TRPM1: variants seen among roughly 807,000 people sequenced by gnomAD.
TRPM1 encodes TRPM1-203 APA Isoform, Intron 10.
In TRPM1, 113 loss-of-function variants were observed where a neutral mutation model predicts 149.4. The ratio of observed to expected loss-of-function variants is 0.76; its 90% confidence interval spans 0.65 to 0.88. The LOEUF is 0.88. Ranked by LOEUF, TRPM1 falls within the 40% of genes least tolerant of loss-of-function variation. The pLI is 0.00. For synonymous variants in TRPM1, 741 were observed against 759.5 expected (o/e 0.98, Z 0.40); for missense variants, 1,976 against 2,038.7 (o/e 0.97, Z 0.59).
At chr15:31,014,271 A>G (rs2032283567) in intron 27 of TRPM1, among the ~76,000 whole-genome samples, 1 of 151,982 alleles carries the variant, frequency 6.6e-6, no homozygotes, top group South Asian at 2.1e-4. Context: ...CCCTTCCTCC[A>G]CCCCTTCTAA....
chr15:31,094,651 A>C (rs900831655), intron 1 of TRPM1, among the ~76,000 whole-genome samples: 2 of 152,238 alleles, frequency 1.3e-5, no homozygotes, highest in African/African-American at 4.8e-5. Flanking sequence ...AAGCAAATCA[A>C]AACCATGATG....
chr15:31,037,097 G>A (rs1243941378), intron 20 of TRPM1, among the ~76,000 whole-genome samples: 3 of 152,344 alleles, frequency 2.0e-5, no homozygotes, highest in South Asian at 2.1e-4. Context: ...CTGCAGCTCG[G>A]CCATTTCCCC....
chr15:31,038,737 T>C (rs2033509967), intron 18 of TRPM1, among the ~76,000 whole-genome samples: 1 of 151,866 alleles, frequency 6.6e-6, no homozygotes, highest in Non-Finnish European at 1.5e-5. Context: ...TAAAATAAAA[T>C]AAAAGTCCTT....
chr15:31,076,338 A>G (rs1330723114), intron 3 of TRPM1, among the ~76,000 whole-genome samples: 1 of 152,190 alleles, frequency 6.6e-6, no homozygotes, highest in Non-Finnish European at 1.5e-5. Context: ...CCCTTCCCCC[A>G]GACTCAGCCT....
chr15:31,053,167 G>A (rs937016097), intron 11 of TRPM1, among the ~76,000 whole-genome samples: 3 of 152,088 alleles, frequency 2.0e-5, no homozygotes, highest in East Asian at 1.9e-4. Flanking sequence ...ACACAAAAAC[G>A]CTCAATATCA....
At chr15:31,003,610 G>A (rs1220606062) in intron 27 of TRPM1, among the ~76,000 whole-genome samples, 1 of 152,206 alleles carries the variant, frequency 6.6e-6, no homozygotes, top group African/African-American at 2.4e-5. Context: ...GACTATGGCT[G>A]TCAGCAGTGA....
At chr15:31,106,793 C>T (rs1010162829) in intron 1 of TRPM1, among the ~76,000 whole-genome samples, 1 of 152,060 alleles carries the variant, frequency 6.6e-6, no homozygotes, top group African/African-American at 2.4e-5. Context: ...GGCTAGATTC[C>T]GAGAAGTGAG....
intron 1 of TRPM1, among the ~76,000 whole-genome samples, chr15:31,110,662 G>A (rs1446528562): frequency 1.3e-5 from 2 of 152,100 alleles, no homozygotes; most frequent in African/African-American, 4.8e-5. Flanking sequence ...TGCACCCTAC[G>A]GCTCAGGATT....
Position 31,048,633 on chromosome 15 carries a change from G to A in TRPM1, c.1573-694C>T, listed in dbSNP as rs560785909. Reference sequence around the variant, plus strand: ...TTGAGACCAACCTGGGCAACATGTCGAAACCCTGTCTCTACAAAATTTTTA... The same window carrying A: ...TTGAGACCAACCTGGGCAACATGTCAAAACCCTGTCTCTACAAAATTTTTA... On this transcript the variant is annotated intron_variant, in intron 13 of 27. Coordinates refer to ENST00000256552, the MANE Select transcript of TRPM1 (RefSeq NM_001252024.2). Among the ~76,000 whole-genome samples, 20 of 152,112 alleles carry A rather than the reference G, an allele frequency of 1.3e-4. No individual in the cohort carries two copies. In the South Asian group the frequency reaches 3.3e-3, roughly 25 times the overall value.
chr15:31,009,263 T>G (rs1338870666), intron 27 of TRPM1, among the ~76,000 whole-genome samples: 1 of 152,050 alleles, frequency 6.6e-6, no homozygotes, highest in Admixed American at 6.6e-5. Flanking sequence ...CGGGAGGTTG[T>G]GGTGGGAGGG....
At chr15:31,141,795 G>T (rs142273968) in intron 1 of TRPM1, among the ~76,000 whole-genome samples, 1 of 152,264 alleles carries the variant, frequency 6.6e-6, no homozygotes, top group Non-Finnish European at 1.5e-5. Context: ...TGATCAAGTT[G>T]GTTAAAATTG....
intron 4 of TRPM1, among the ~76,000 whole-genome samples, chr15:31,069,013 A>T (rs1378554894): frequency 6.6e-6 from 1 of 152,256 alleles, no homozygotes; most frequent in Non-Finnish European, 1.5e-5. Flanking sequence ...TTTTAGAGGA[A>T]CAATGAAAAA....
chr15:31,099,281 T>G (rs2035463237), intron 1 of TRPM1, among the ~76,000 whole-genome samples: 1 of 152,180 alleles, frequency 6.6e-6, no homozygotes, highest in Non-Finnish European at 1.5e-5. Context: ...TAATGGAGGT[T>G]TTAAGACGTT....
intron 1 of TRPM1, among the ~76,000 whole-genome samples, chr15:31,125,201 C>T (rs28897420): frequency 6.9e-6 from 1 of 144,824 alleles, no homozygotes; most frequent in Non-Finnish European, 1.5e-5. Flanking sequence ...AAACAAAAAA[C>T]AAAAAAACTC....
chr15:31,062,784 T>C, intron 8 of TRPM1, 82 bp from the exon 9 acceptor site: 2 of 1,495,670 alleles, frequency 1.3e-6, no homozygotes, highest in South Asian at 2.3e-5. Flanking sequence ...CTGTCTTTGA[T>C]TTGAGACTTT....
rs1353714180 is a variant in TRPM1, at chr15:31,062,381, AG to A, written c.1089+197del. On this transcript the variant is annotated intron_variant, in intron 9 of 27. Coordinates refer to ENST00000256552, the MANE Select transcript of TRPM1 (RefSeq NM_001252024.2). ...CCACTTGCTAAAGTTTGAAAGCACCAGGGGCCCTCCCCTGTGTGGGCTCGTT... is the reference window on the plus strand; with the variant it reads ...CCACTTGCTAAAGTTTGAAAGCACCAGGGCCCTCCCCTGTGTGGGCTCGTT... 2.0e-5 allele frequency among the ~76,000 whole-genome samples: 3 copies of A among 152,318 alleles called. No individual in the cohort carries two copies. In the East Asian group the frequency reaches 5.8e-4, roughly 29 times the overall value.
At chr15:31,089,423 C>T (rs1449711912) in intron 1 of TRPM1, among the ~76,000 whole-genome samples, 2 of 152,228 alleles carry the variant, frequency 1.3e-5, no homozygotes, top group African/African-American at 4.8e-5. Flanking sequence ...TAGGATTTGG[C>T]TTGATGCCTA....
intron 3 of TRPM1, among the ~76,000 whole-genome samples, chr15:31,072,309 T>C (rs886566708): frequency 1.3e-5 from 2 of 152,050 alleles, no homozygotes; most frequent in Non-Finnish European, 2.9e-5. Flanking sequence ...ATCAGCTTCT[T>C]AGCATGTTTT....
At chr15:31,149,698 T>G (rs2036270884) in intron 1 of TRPM1, among the ~76,000 whole-genome samples, 1 of 152,072 alleles carries the variant, frequency 6.6e-6, no homozygotes, top group Non-Finnish European at 1.5e-5. Flanking sequence ...TTTTTGTATT[T>G]TTAGTAGAGA....
Sources: gnomAD v4.1 joint callset for allele counts (sites outside exome capture counted in the v4.1 genomes callset) on GRCh38, gnomAD v4.1.1 for gene constraint, MANE v1.5 for transcripts, NCBI Gene and HGNC (gene_info 2026-07-23, HGNC 2026-07-21) for gene names.